The following STIM1 variants were observed in gnomAD, a reference collection of about 807,000 sequenced individuals.
STIM1 encodes stromal interaction molecule 1.
A neutral mutation model predicts 74.7 loss-of-function variants in STIM1; 25 were observed. The ratio of observed to expected loss-of-function variants is 0.33; its 90% CI spans 0.24 to 0.47. STIM1 has a LOEUF of 0.47. Among genes scored for constraint, STIM1 ranks in the 20% least tolerant of loss-of-function variants. STIM1 has a pLI of 1.00. For synonymous variants in STIM1, 328 were observed against 348.8 expected, an observed-to-expected ratio of 0.94 and a Z score of 0.66; for missense variants, 728 against 920.8, an observed-to-expected ratio of 0.79 and a Z score of 2.71.
At chr11:3,932,387 G>T (rs756004910) in intron 1 of STIM1, among the ~76,000 whole-genome samples, 3 of 152,196 alleles carry the variant, frequency 2.0e-5, no homozygotes, top group Non-Finnish European at 4.4e-5. Context: ...AGAGGGCTGG[G>T]TGTGGTGGCT....
intron 2 of STIM1, among the ~76,000 whole-genome samples, chr11:3,981,408 T>C (rs1267581370): frequency 6.6e-6 from 1 of 152,238 alleles, no homozygotes; most frequent in African/African-American, 2.4e-5. Context: ...GTTTTATTCA[T>C]TGCTGTTTCT....
chr11:3,891,548 G>C (rs2091897530), intron 1 of STIM1, among the ~76,000 whole-genome samples: 1 of 152,056 alleles, frequency 6.6e-6, no homozygotes, highest in African/African-American at 2.4e-5. Context: ...GCCACCCAAA[G>C]TGCTAGGATT....
chr11:4,019,499 C>A lies in STIM1; in HGVS notation c.271-4374C>A, dbSNP rs116833433. ...GACCAGCTTGGGAAACATAGTGAGA[C>A]ACCGTGTGTACAAAAAATTTAAAAA... On this transcript the variant is annotated intron_variant, in intron 2 of 12. Transcript: ENST00000526596. Among the ~76,000 whole-genome samples, 1,469 of 152,088 alleles carry A rather than the reference C, an allele frequency of 9.7e-3. 25 individuals carry two copies. The highest frequency in any genetic ancestry group is 0.033 in the African/African-American group (1,388 of 41,474).
chr11:3,999,274 G>A lies in STIM1; in HGVS notation c.271-24599G>A, dbSNP rs112026197. Among the ~76,000 whole-genome samples the A allele has an allele frequency of 5.8e-3, 891 of 152,350 alleles. 5 individuals are homozygous for A. The highest frequency in any genetic ancestry group is 0.02 in the African/African-American group (847 of 41,586). ...GACTGCTTAAGCCCAGGAGGCTGCA[G>A]TGAGCCATCTTCACGCCACTGCATT... On this transcript the variant is annotated intron_variant, in intron 2 of 12. Coordinates refer to ENST00000526596, the MANE Select transcript of STIM1 (RefSeq NM_001382567.1).
intron 5 of STIM1, among the ~76,000 whole-genome samples, chr11:4,061,220 C>G (rs1056424645): frequency 6.6e-6 from 1 of 152,150 alleles, no homozygotes; most frequent in African/African-American, 2.4e-5. Flanking sequence ...AGCATGGGAA[C>G]CAGAATGCTG....
Position 3,992,434 on chromosome 11 carries a change from TAAAA to T in STIM1, c.270+24755_270+24758del, listed in dbSNP as rs960895301. Among the ~76,000 whole-genome samples, 231 of 152,052 alleles carry T rather than the reference TAAAA, an allele frequency of 1.5e-3. 4 individuals carry two copies. The highest frequency in any genetic ancestry group is 1.5e-4 in the Non-Finnish European group (10 of 67,960). On this transcript the variant is annotated intron_variant, in intron 2 of 12. Transcript: ENST00000526596. ...GTCTCAAAAAAAAATTTAAATAAAA[TAAAA>T]AACCTTTACTTATTTTTAAATTGGG...
chr11:3,946,853 C>T (rs1205789877), intron 1 of STIM1, among the ~76,000 whole-genome samples: 1 of 152,166 alleles, frequency 6.6e-6, no homozygotes, highest in African/African-American at 2.4e-5. Context: ...CTGGCTCTGC[C>T]ACTGTGTGAC....
At chr11:3,916,680 G>C (rs1226719421) in intron 1 of STIM1, among the ~76,000 whole-genome samples, 1 of 152,120 alleles carries the variant, frequency 6.6e-6, no homozygotes, top group Non-Finnish European at 1.5e-5. Context: ...TGGAACTCTT[G>C]ACCTCAGGTG....
chr11:4,033,289 C>T (rs571202323), intron 3 of STIM1, among the ~76,000 whole-genome samples: 16 of 152,236 alleles, frequency 1.1e-4, no homozygotes, highest in Non-Finnish European at 1.5e-4. Flanking sequence ...AGTCAGGTAG[C>T]GTGATGCCTC....
chr11:3,914,754 GGGAGTGTATCATA>G (rs2092618734), intron 1 of STIM1, among the ~76,000 whole-genome samples: 1 of 152,052 alleles, frequency 6.6e-6, no homozygotes, highest in Admixed American at 6.6e-5. Flanking sequence ...TTCAATTTTT[GGGAGTGTATCATA>G]GGAGTGGAAT....
chr11:3,897,782 G>A (rs2092231504), intron 1 of STIM1, among the ~76,000 whole-genome samples: 1 of 151,178 alleles, frequency 6.6e-6, no homozygotes, highest in Non-Finnish European at 1.5e-5. Flanking sequence ...TTTTGTTCTT[G>A]CGATAGTTTA....
intron 2 of STIM1, among the ~76,000 whole-genome samples, chr11:3,990,054 A>G (rs2093595614): frequency 1.3e-5 from 2 of 152,242 alleles, no homozygotes; most frequent in Admixed American, 1.3e-4. Context: ...TTCTCTCTCC[A>G]CATTTCCCCC....
chr11:3,863,003 C>T (rs1251076738), intron 1 of STIM1, among the ~76,000 whole-genome samples: 2 of 152,252 alleles, frequency 1.3e-5, no homozygotes, highest in East Asian at 1.9e-4. Flanking sequence ...AGCAATTCTT[C>T]TGTCTCAGCC....
intron 2 of STIM1, among the ~76,000 whole-genome samples, chr11:4,000,732 C>T (rs1462889381): frequency 6.1e-5 from 9 of 148,422 alleles, no homozygotes; most frequent in East Asian, 5.9e-4. Context: ...CAAAGCTGGA[C>T]GGAGAATGAC....
At chr11:4,091,185 C>T in intron 12 of STIM1, 97 bp from the exon 13 acceptor site, 2 of 1,564,560 alleles carry the variant, frequency 1.3e-6, no homozygotes, top group African/African-American at 1.3e-5. Context: ...CTACCCTGTC[C>T]TTGTCTTCTC....
chr11:3,901,259 A>G (rs2092341542), intron 1 of STIM1, among the ~76,000 whole-genome samples: 1 of 152,164 alleles, frequency 6.6e-6, no homozygotes, highest in African/African-American at 2.4e-5. Context: ...TCAGTAAAAG[A>G]CCTTTGAGAT....
chr11:4,082,860 G>T (rs751701355), intron 8 of STIM1, 22 bp from the exon 9 acceptor site: 7 of 1,608,530 alleles, frequency 4.4e-6, no homozygotes, highest in Non-Finnish European at 6.0e-6. Flanking sequence ...CTCTTTTTGA[G>T]CTGGGGGCCT....
intron 2 of STIM1, among the ~76,000 whole-genome samples, chr11:3,981,460 C>G (rs752175801): frequency 6.6e-5 from 10 of 152,114 alleles, no homozygotes; most frequent in Non-Finnish European, 1.2e-4. Flanking sequence ...CTTAAGGGTG[C>G]TGAGTTGACG....
intron 1 of STIM1, among the ~76,000 whole-genome samples, chr11:3,941,630 T>TATAGAG (rs71047190): frequency 7.0e-5 from 10 of 143,064 alleles, no homozygotes; most frequent in South Asian, 4.5e-4. Flanking sequence ...TATATATATA[T>TATAGAG]AGAGAGATAG....
Sources: allele counts gnomAD v4.1 joint callset (sites outside exome capture counted in the v4.1 genomes callset), GRCh38; gene constraint gnomAD v4.1.1; transcripts MANE v1.5; gene names NCBI Gene and HGNC (gene_info 2026-07-23, HGNC 2026-07-21).